The following STK32A variants were observed in gnomAD, a reference collection of about 807,000 sequenced individuals.
The protein encoded by STK32A is serine/threonine-protein kinase 32A.
In STK32A, 41 loss-of-function variants were observed where a neutral mutation model predicts 53.2. That is an observed-to-expected ratio of 0.77 (90% CI 0.60 to 1.00). The LOEUF (loss-of-function observed/expected upper bound fraction) is 1.00, where lower values mean the gene tolerates loss of function less well. STK32A is among the 50% of genes least tolerant of loss of function. The pLI is 0.00. For missense variants in STK32A, 458 were observed against 485.8 expected (o/e 0.94, Z 0.54); for synonymous variants, 166 against 162.8 (o/e 1.02, Z -0.15).
At chr5:147,376,431 C>T (rs1433668959) in intron 11 of STK32A, among the ~76,000 whole-genome samples, 1 of 152,174 alleles carries the variant, frequency 6.6e-6, no homozygotes, top group Non-Finnish European at 1.5e-5. Context: ...CCTAGCAGAA[C>T]TTGGCTCAAG....
intron 7 of STK32A, among the ~76,000 whole-genome samples, chr5:147,357,870 T>C (rs907360452): frequency 1.3e-5 from 2 of 152,234 alleles, no homozygotes; most frequent in Non-Finnish European, 1.5e-5. Flanking sequence ...ATTTGAAATA[T>C]GTTCATCATA....
chr5:147,336,053 G>A (rs961407098), intron 5 of STK32A, among the ~76,000 whole-genome samples: 2 of 152,080 alleles, frequency 1.3e-5, no homozygotes, highest in African/African-American at 4.8e-5. Flanking sequence ...AGAAATCCCT[G>A]GGGTTGGATA....
At chr5:147,247,344 T>C (rs1389954699) in intron 2 of STK32A, among the ~76,000 whole-genome samples, 1 of 152,188 alleles carries the variant, frequency 6.6e-6, no homozygotes, top group Non-Finnish European at 1.5e-5. Flanking sequence ...ACACAGACAT[T>C]AAAAAGCCAG....
At chr5:147,383,808 G>T in intron 12 of STK32A, 82 bp from the exon 13 acceptor site, 3 of 1,227,224 alleles carry the variant, frequency 2.4e-6, no homozygotes, top group South Asian at 1.6e-5. Context: ...AAATTATTGG[G>T]CTTAATATTA....
At chr5:147,390,342 T>G (rs1757766329), downstream of STK32A, among the ~76,000 whole-genome samples, 1 of 152,206 alleles carries the variant, frequency 6.6e-6, no homozygotes, top group Non-Finnish European at 1.5e-5. Context: ...ACACTGATTT[T>G]ACTCCTTGGG....
intron 2 of STK32A, among the ~76,000 whole-genome samples, chr5:147,266,841 T>C (rs561784467): frequency 5.7e-4 from 86 of 152,068 alleles, no homozygotes; most frequent in African/African-American, 2.0e-3. Context: ...CCTGATAACA[T>C]AGAGAAACCC....
chr5:147,348,760 A>G, intron 6 of STK32A: 1 of 760,780 alleles, frequency 1.3e-6, no homozygotes, highest in Non-Finnish European at 2.5e-6. Context: ...AGGCACATGT[A>G]TTTTGCAAAA....
At chr5:147,259,939 CTCTCTCTCTCTCCTCTCTG>C (rs1206414287) in intron 2 of STK32A, among the ~76,000 whole-genome samples, 1 of 143,912 alleles carries the variant, frequency 6.9e-6, no homozygotes, top group Non-Finnish European at 1.5e-5. Context: ...TCCTGGCTGT[CTCTCTCTCTCTCCTCTCTG>C]TCTCTCTCTC....
intron 4 of STK32A, among the ~76,000 whole-genome samples, chr5:147,301,361 G>A (rs1283479516): frequency 2.0e-5 from 3 of 151,936 alleles, no homozygotes; most frequent in African/African-American, 7.2e-5. Context: ...TTATTCCTGT[G>A]TGCATGCCTT....
At chr5:147,381,286 CTTGACA>C (rs1561760190) in intron 11 of STK32A, among the ~76,000 whole-genome samples, 2 of 152,134 alleles carry the variant, frequency 1.3e-5, no homozygotes, top group African/African-American at 4.8e-5. Flanking sequence ...TTATGATGTA[CTTGACA>C]AATTTTTTCT....
intron 2 of STK32A, among the ~76,000 whole-genome samples, chr5:147,276,764 C>T (rs556158617): frequency 6.6e-6 from 1 of 152,116 alleles, no homozygotes; most frequent in Non-Finnish European, 1.5e-5. Flanking sequence ...CCTTGAGTAA[C>T]TATGTTAAGT....
chr5:147,253,305 A>G (rs929358144), intron 2 of STK32A, among the ~76,000 whole-genome samples: 4 of 152,172 alleles, frequency 2.6e-5, no homozygotes, highest in African/African-American at 9.7e-5. Flanking sequence ...AATTTGTGGC[A>G]TGAGGGAAGA....
At chr5:147,383,676 T>C (rs1292368598) in intron 12 of STK32A, among the ~76,000 whole-genome samples, 171 bp downstream of exon 12, 1 of 152,216 alleles carries the variant, frequency 6.6e-6, no homozygotes, top group African/African-American at 2.4e-5. Context: ...TATTTAACAT[T>C]TTTTAATTGA....
rs1044676694 is a variant in STK32A, at chr5:147,386,341, T to A, written c.*2358T>A. The A allele has an allele frequency of 2.6e-5, 4 of 152,208 alleles. No individual in the cohort carries two copies. The highest frequency in any genetic ancestry group is 5.9e-5 in the Non-Finnish European group (4 of 68,042). The allele number at this position is 152,208 out of a possible 1,614,324, so 9.4% of individuals were successfully genotyped here. On this transcript the variant is annotated 3_prime_UTR_variant, in exon 13 of 13. Coordinates refer to ENST00000397936, the MANE Select transcript of STK32A (RefSeq NM_001112724.2). ...GAGTGTCAGGGACTACTTGCATGTT[T>A]ACTTCTATCCTTCATTTGTTTTGAT...
intron 6 of STK32A, among the ~76,000 whole-genome samples, chr5:147,350,091 C>G (rs1358752012): frequency 1.3e-5 from 2 of 150,478 alleles, no homozygotes; most frequent in East Asian, 4.0e-4. Context: ...AGCCTGGCAA[C>G]AGAGTGAGAC....
intron 8 of STK32A, among the ~76,000 whole-genome samples, chr5:147,365,290 T>C (rs1241407558): frequency 1.3e-5 from 2 of 152,206 alleles, no homozygotes; most frequent in Non-Finnish European, 2.9e-5. Flanking sequence ...TTTCATTCAC[T>C]CTGCAGGGTC....
At chr5:147,400,619 G>A in the STK32A span, 1 of 1,559,438 alleles carries the variant, frequency 6.4e-7, no homozygotes, top group African/African-American at 1.3e-5. Flanking sequence ...CAGCCCAACT[G>A]GTGGCAGGAG....
chr5:147,304,579 C>A (rs55668100), intron 4 of STK32A, among the ~76,000 whole-genome samples: 17,486 of 152,124 alleles, frequency 0.11, 1,350 homozygotes, highest in Middle Eastern at 0.22. Flanking sequence ...GGGAAAGAGA[C>A]TAGATGGAAC....
chr5:147,262,881 A>T (rs911295129), intron 2 of STK32A, among the ~76,000 whole-genome samples: 3 of 152,198 alleles, frequency 2.0e-5, no homozygotes, highest in Non-Finnish European at 4.4e-5. Context: ...AGACTCGGGA[A>T]TTGGCACTGT....
Sources: gnomAD v4.1 joint callset for allele counts (sites outside exome capture counted in the v4.1 genomes callset) on GRCh38, gnomAD v4.1.1 for gene constraint, MANE v1.5 for transcripts, NCBI Gene and HGNC (gene_info 2026-07-23, HGNC 2026-07-21) for gene names.